FAM171A1: variants seen among roughly 807,000 people sequenced by gnomAD.
The protein encoded by FAM171A1 is protein FAM171A1.
In FAM171A1, 23 loss-of-function variants were observed where a neutral mutation model predicts 74.9. The ratio of observed to expected loss-of-function variants is 0.31; its 90% confidence interval spans 0.22 to 0.44. The LOEUF (loss-of-function observed/expected upper bound fraction) is 0.44, where lower values mean the gene tolerates loss of function less well. FAM171A1 is among the 20% of genes least tolerant of loss of function. The pLI is 1.00. For synonymous variants in FAM171A1, 527 were observed against 505.7 expected (o/e 1.04, Z -0.57); for missense variants, 1,162 against 1,159.2 (o/e 1.00, Z -0.03).
At chr10:15,336,488 G>A (rs754046942) in intron 1 of FAM171A1, among the ~76,000 whole-genome samples, 1 of 151,956 alleles carries the variant, frequency 6.6e-6, no homozygotes, top group African/African-American at 2.4e-5. Context: ...ACATTTTCTC[G>A]GGGCTGCAAA....
chr10:15,332,802 G>A (rs755709634), intron 1 of FAM171A1, among the ~76,000 whole-genome samples: 20 of 152,280 alleles, frequency 1.3e-4, no homozygotes, highest in Non-Finnish European at 2.9e-4. Flanking sequence ...ATTCTATGAG[G>A]AAAGCATTTC....
chr10:15,290,562 A>G (rs1282840833), intron 1 of FAM171A1, among the ~76,000 whole-genome samples: 1 of 152,174 alleles, frequency 6.6e-6, no homozygotes, highest in African/African-American at 2.4e-5. Context: ...GGTGTACAAC[A>G]GAGACCAGAC....
chr10:15,252,099 T>C (rs965085193), intron 4 of FAM171A1, among the ~76,000 whole-genome samples: 1 of 152,218 alleles, frequency 6.6e-6, no homozygotes, highest in African/African-American at 2.4e-5. Flanking sequence ...TCTGTCTTCC[T>C]GGAGTTATTA....
intron 1 of FAM171A1, among the ~76,000 whole-genome samples, chr10:15,323,963 C>T (rs568443409): frequency 1.4e-4 from 22 of 152,242 alleles, no homozygotes; most frequent in Middle Eastern, 3.4e-3. Context: ...CCACATAGAG[C>T]ATAAACCATT....
chr10:15,344,843 C>G (rs544641117), intron 1 of FAM171A1, among the ~76,000 whole-genome samples: 1 of 152,228 alleles, frequency 6.6e-6, no homozygotes, highest in Non-Finnish European at 1.5e-5. Context: ...GTTTGTTTCC[C>G]AACAAAATGC....
At position 15,237,377 on chromosome 10, in the gene FAM171A1, T is replaced by C. The variant is rs559007926; in HGVS notation, c.754+11262A>G. 4 of 152,296 alleles carry C rather than the reference T, an allele frequency of 2.6e-5. No homozygotes were observed. The East Asian group carries it at 7.7e-4, about 29-fold the overall frequency. 9.4% of individuals were successfully genotyped at this position (152,296 alleles called of 1,614,324 possible). A position where few individuals can be genotyped will look rare whatever the true frequency, so the allele number is the denominator to read the frequency against. ...CTATTATTTTATGAAAGTTCTCATT[T>C]TGGGGGGAGACAAACACAAAAGGCT... is the stretch of plus-strand genomic sequence containing the variant. On this transcript the variant is annotated intron_variant, in intron 5 of 7. Transcript: ENST00000378116.
upstream of FAM171A1, among the ~76,000 whole-genome samples, chr10:15,373,955 A>T (rs1836176749): frequency 6.6e-6 from 1 of 152,214 alleles, no homozygotes; most frequent in African/African-American, 2.4e-5. Context: ...GACTTTTAGC[A>T]GCCTAAAGCC....
chr10:15,296,338 CAG>C (rs2131822496), intron 1 of FAM171A1, among the ~76,000 whole-genome samples: 1 of 152,040 alleles, frequency 6.6e-6, no homozygotes, highest in East Asian at 1.9e-4. Context: ...TAACATATAA[CAG>C]ATTATTTAAT....
intron 1 of FAM171A1, among the ~76,000 whole-genome samples, chr10:15,360,244 C>T (rs1188917009): frequency 1.3e-5 from 2 of 152,162 alleles, no homozygotes; most frequent in Non-Finnish European, 1.5e-5. Context: ...CGATGCTTTG[C>T]TTTTGACCTT....
At chr10:15,235,354 C>T (rs1027001482) in intron 5 of FAM171A1, among the ~76,000 whole-genome samples, 3 of 148,484 alleles carry the variant, frequency 2.0e-5, no homozygotes, top group Non-Finnish European at 3.0e-5. Flanking sequence ...TCAGCTGAGT[C>T]GGCCTTAGGT....
At chr10:15,235,222 A>G (rs1834269257) in intron 5 of FAM171A1, among the ~76,000 whole-genome samples, 1 of 144,512 alleles carries the variant, frequency 6.9e-6, no homozygotes, top group African/African-American at 2.6e-5. Context: ...GAATCGCTTG[A>G]ACCTGGGAGG....
intron 3 of FAM171A1, among the ~76,000 whole-genome samples, chr10:15,269,926 T>C (rs1449254556): frequency 1.3e-5 from 2 of 152,266 alleles, no homozygotes; most frequent in East Asian, 1.9e-4. Flanking sequence ...CCAGATCAGG[T>C]TCCAAGATGG....
intron 1 of FAM171A1, among the ~76,000 whole-genome samples, chr10:15,330,909 G>C (rs11259605): frequency 6.7e-6 from 1 of 149,716 alleles, no homozygotes; most frequent in South Asian, 2.1e-4. Context: ...TTTTTTTTGA[G>C]ATGGAGTCCT....
At position 15,225,101 on chromosome 10, in the gene FAM171A1, G is replaced by A. The variant is rs1157799858; in HGVS notation, c.755-4041C>T. Among the ~76,000 whole-genome samples, 3 of 152,212 alleles carry A rather than the reference G, an allele frequency of 2.0e-5. No homozygotes were observed. The East Asian group carries it at 5.8e-4, about 29-fold the overall frequency. On this transcript the variant is annotated intron_variant, in intron 5 of 7. Transcript: ENST00000378116. ...TTGCCAAAAACACACGTTGCCTTCC[G>A]TGGCTAGCCTGTGGCCCTCAGTCTT...
intron 1 of FAM171A1, among the ~76,000 whole-genome samples, chr10:15,343,774 G>T (rs1357695163): frequency 6.6e-6 from 1 of 152,056 alleles, no homozygotes. Context: ...ACTGAACCTG[G>T]GCCCTCCAGC....
At chr10:15,274,132 A>T (rs1003625476) in intron 3 of FAM171A1, among the ~76,000 whole-genome samples, 21 of 152,340 alleles carry the variant, frequency 1.4e-4, no homozygotes, top group African/African-American at 4.8e-4. Context: ...ATACTTAGAA[A>T]ACCCCATCGT....
chr10:15,243,824 G>A (rs1456394496), intron 5 of FAM171A1, among the ~76,000 whole-genome samples: 1 of 151,980 alleles, frequency 6.6e-6, no homozygotes, highest in Non-Finnish European at 1.5e-5. Flanking sequence ...GCAGCTCACC[G>A]CAAGCTCTGC....
intron 5 of FAM171A1, among the ~76,000 whole-genome samples, chr10:15,230,765 T>C (rs372519938): frequency 3.1e-4 from 47 of 152,214 alleles, no homozygotes; most frequent in African/African-American, 1.1e-3. Flanking sequence ...ATTCCTTAAA[T>C]AGATAGCTAG....
intron 1 of FAM171A1, among the ~76,000 whole-genome samples, chr10:15,364,649 G>A (rs1441008365): frequency 2.0e-5 from 3 of 152,068 alleles, no homozygotes; most frequent in Admixed American, 6.6e-5. Context: ...TCTGGAGGTC[G>A]GAAGTCCAAA....
Sources: gnomAD v4.1 joint callset for allele counts (sites outside exome capture counted in the v4.1 genomes callset) on GRCh38, gnomAD v4.1.1 for gene constraint, MANE v1.5 for transcripts, NCBI Gene and HGNC (gene_info 2026-07-23, HGNC 2026-07-21) for gene names.